Variants in RBFOX1 observed in about 807,000 individuals in gnomAD.
RBFOX1 encodes RNA binding protein fox-1 homolog 1.
In RBFOX1, 8 loss-of-function variants were observed where a neutral mutation model predicts 57.7. The observed-to-expected ratio is 0.14, with a 90% CI of 0.08 to 0.25. RBFOX1 has a LOEUF of 0.25. RBFOX1 is among the 10% of genes least tolerant of loss of function. The pLI, the probability that RBFOX1 is intolerant of heterozygous loss-of-function variation, is 1.00. For missense variants in RBFOX1, 611 were observed against 548.5 expected (o/e 1.11, Z -1.14); for synonymous variants, 326 against 222.4 (o/e 1.47, Z -4.15).
chr16:5,825,228 T>G (rs1458042382), intron 3 of RBFOX1, among the ~76,000 whole-genome samples: 2 of 152,222 alleles, frequency 1.3e-5, no homozygotes, highest in Non-Finnish European at 2.9e-5. Flanking sequence ...GAATGCAATA[T>G]AGTGATGGAA....
intron 2 of RBFOX1, among the ~76,000 whole-genome samples, chr16:6,624,494 CAG>C (rs1471634842): frequency 1.3e-5 from 2 of 151,944 alleles, no homozygotes; most frequent in African/African-American, 2.4e-5. Context: ...ATCTACCTAA[CAG>C]AACATACCAG....
intron 3 of RBFOX1, among the ~76,000 whole-genome samples, chr16:6,780,677 CA>C (rs1419514520): frequency 3.4e-5 from 5 of 145,918 alleles, no homozygotes; most frequent in African/African-American, 1.3e-4. Flanking sequence ...CCTGTTTTTT[CA>C]GAGAGCTATT....
At chr16:5,762,242 C>G (rs2053618203) in intron 3 of RBFOX1, among the ~76,000 whole-genome samples, 1 of 151,708 alleles carries the variant, frequency 6.6e-6, no homozygotes, top group Non-Finnish European at 1.5e-5. Context: ...AAAGAGAAAT[C>G]TAAATGGCCG....
At chr16:5,568,476 A>G (rs570351964) in intron 2 of RBFOX1, among the ~76,000 whole-genome samples, 1 of 152,070 alleles carries the variant, frequency 6.6e-6, no homozygotes, top group Non-Finnish European at 1.5e-5. Context: ...TAATTTCACC[A>G]TCAGTGTTCG....
chr16:6,972,344 G>A (rs763343502), intron 3 of RBFOX1, among the ~76,000 whole-genome samples: 1 of 151,980 alleles, frequency 6.6e-6, no homozygotes, highest in Non-Finnish European at 1.5e-5. Context: ...GAATTATACA[G>A]CGTTTCTCCT....
rs117219761 is a variant in RBFOX1 at position 6,859,426 on chromosome 16, G to C, written c.-15-192631G>C. On this transcript the variant is annotated intron_variant, in intron 3 of 15. Transcript: ENST00000550418. ...TCTAATATCATAATTGATTTTACTT[G>C]TCAGCTCTCTGTTCATCAGAGAACT... 2.4e-3 allele frequency among the ~76,000 whole-genome samples: 357 copies of C among 151,788 alleles called. 2 individuals carry two copies. Among genetic ancestry groups the C allele is most frequent in the Non-Finnish European group, 4.4e-3 (299 of 67,968 alleles).
chr16:6,091,288 C>T (rs941415989), intron 1 of RBFOX1, among the ~76,000 whole-genome samples: 1 of 152,168 alleles, frequency 6.6e-6, no homozygotes, highest in African/African-American at 2.4e-5. Context: ...GAACTCCTTT[C>T]TCCTGGTCCA....
In RBFOX1 at chr16:6,019,777, G is replaced by A; in HGVS notation, c.-342G>A. On this transcript the variant is annotated 5_prime_UTR_variant, in exon 1 of 16. Coordinates refer to ENST00000550418, the MANE Select transcript of RBFOX1 (RefSeq NM_018723.4). This position sits in a 1 kb window ranked among gnomAD's most constrained non-coding sequence, Gnocchi z 4.2. ...CCAGACCCCCACCCAGTGGCCGCCA[G>A]GGTCCCCGCCTGTCCGGACCCTCGC... 1.4e-6 allele frequency: 2 copies of A among 1,411,610 alleles called. No homozygotes were observed. The highest frequency in any genetic ancestry group is 1.8e-6 in the Non-Finnish European group (2 of 1,082,024). The allele number at this position is 1,411,610 out of a possible 1,614,324, so 87.4% of individuals were successfully genotyped here.
intron 1 of RBFOX1, among the ~76,000 whole-genome samples, chr16:6,224,604 C>T (rs1403603898): frequency 6.6e-6 from 1 of 152,112 alleles, no homozygotes; most frequent in Admixed American, 6.5e-5. Context: ...GATTCACCTG[C>T]TAGGTCTGCG....
chr16:7,312,906 G>T (rs530706055), intron 4 of RBFOX1, among the ~76,000 whole-genome samples: 1 of 151,870 alleles, frequency 6.6e-6, no homozygotes, highest in Non-Finnish European at 1.5e-5. Context: ...AGAGTCTGGC[G>T]GAGCTCTCTG....
chr16:6,444,879 T>G (rs142099324), intron 2 of RBFOX1, among the ~76,000 whole-genome samples: 1 of 152,094 alleles, frequency 6.6e-6, no homozygotes, highest in East Asian at 1.9e-4. Context: ...ACACACAGGT[T>G]TGAAGCAGAA....
At chr16:7,179,605 T>C (rs767872974) in intron 4 of RBFOX1, among the ~76,000 whole-genome samples, 1 of 145,424 alleles carries the variant, frequency 6.9e-6, no homozygotes, top group Admixed American at 6.8e-5. Flanking sequence ...CTTTTTTTTT[T>C]ATATATTAAA....
chr16:5,942,485 G>A (rs1359009961), intron 4 of RBFOX1, among the ~76,000 whole-genome samples: 3 of 152,180 alleles, frequency 2.0e-5, no homozygotes, highest in Admixed American at 6.5e-5. Context: ...CAATAGTAAT[G>A]TTGTTACAGG....
intron 3 of RBFOX1, among the ~76,000 whole-genome samples, chr16:5,774,831 T>G (rs1179036060): frequency 6.6e-6 from 1 of 152,138 alleles, no homozygotes; most frequent in African/African-American, 2.4e-5. Flanking sequence ...TGCAGGCACG[T>G]GCCACCACAC....
chr16:5,347,105 C>G (rs1486402226), intron 1 of RBFOX1, among the ~76,000 whole-genome samples: 2 of 152,108 alleles, frequency 1.3e-5, no homozygotes, highest in Admixed American at 1.3e-4. Flanking sequence ...TATTGACAAT[C>G]CCAATGTTGC....
At chr16:6,588,254 T>C (rs2097659101) in intron 2 of RBFOX1, among the ~76,000 whole-genome samples, 1 of 151,604 alleles carries the variant, frequency 6.6e-6, no homozygotes, top group Non-Finnish European at 1.5e-5. Flanking sequence ...GAAAGGCAGT[T>C]TTGCTATACA....
At chr16:5,297,061 C>T (rs1022785946) in intron 1 of RBFOX1, among the ~76,000 whole-genome samples, 17 of 152,152 alleles carry the variant, frequency 1.1e-4, no homozygotes, top group African/African-American at 4.1e-4. Context: ...ATGATGTTCT[C>T]CAGGTTCATC....
chr16:7,259,668 C>T (rs2094840073), intron 4 of RBFOX1, among the ~76,000 whole-genome samples: 1 of 152,050 alleles, frequency 6.6e-6, no homozygotes, highest in Admixed American at 6.5e-5. Context: ...AATTTTATCA[C>T]TAACTTGAGA....
chr16:6,703,585 C>G (rs1034940249), intron 3 of RBFOX1, among the ~76,000 whole-genome samples: 9 of 151,876 alleles, frequency 5.9e-5, no homozygotes, highest in African/African-American at 2.2e-4. Flanking sequence ...TGTTGCACAC[C>G]TGTAGTTCTG....
Sources: gnomAD v4.1 joint callset for allele counts (sites outside exome capture counted in the v4.1 genomes callset) on GRCh38, gnomAD v4.1.1 for gene constraint, Gnocchi (gnomAD v3.1) non-coding constraint, MANE v1.5 for transcripts, NCBI Gene and HGNC (gene_info 2026-07-23, HGNC 2026-07-21) for gene names.